KIDINS220: variants seen among roughly 807,000 people sequenced by gnomAD.
The protein encoded by KIDINS220 is kinase D interacting substrate 220.
A neutral mutation model predicts 157.6 loss-of-function variants in KIDINS220; 63 were observed. The ratio of observed to expected loss-of-function variants is 0.40; its 90% CI spans 0.33 to 0.49. KIDINS220 has a LOEUF of 0.49. Ranked by LOEUF, KIDINS220 falls within the 20% of genes least tolerant of loss-of-function variation. KIDINS220 has a pLI of 0.66. For missense variants in KIDINS220, 1,772 were observed against 2,171.2 expected (o/e 0.82, Z 3.65); for synonymous variants, 732 against 783.6 (o/e 0.93, Z 1.10).
intron 26 of KIDINS220, among the ~76,000 whole-genome samples, chr2:8,744,393 A>ATCTATC (rs1167289937): frequency 2.3e-4 from 6 of 26,522 alleles, no homozygotes; most frequent in Non-Finnish European, 3.5e-4. Context: ...AAAAAAATAT[A>ATCTATC]TATATATAAT....
At chr2:8,833,077 T>C (rs1471384958) in intron 1 of KIDINS220, among the ~76,000 whole-genome samples, 1 of 152,162 alleles carries the variant, frequency 6.6e-6, no homozygotes, top group Non-Finnish European at 1.5e-5. Context: ...TACTTTAAAA[T>C]ATACCATAAA....
downstream of KIDINS220, chr2:8,728,708 C>T (rs888915506): frequency 5.0e-5 from 13 of 262,216 alleles, no homozygotes; most frequent in African/African-American, 6.9e-5. Flanking sequence ...TGGGCACAAA[C>T]GCTTCATAAA....
chr2:8,747,020 C>T (rs1666675351), intron 26 of KIDINS220, 125 bp downstream of exon 26: 2 of 773,578 alleles, frequency 2.6e-6, no homozygotes, highest in East Asian at 2.5e-5. Context: ...AGCTACTCTA[C>T]ACTAGCTGCT....
rs1043443808 is a variant in KIDINS220 at position 8,751,536 on chromosome 2, C to T, written c.3120G>A (p.Val1040=). The change falls in exon 23 of 30, where the codon GTG becomes GTA. Residue 1040 remains valine, a synonymous_variant. Transcript: ENST00000256707. ...VFLSSRTPVL[V]ARDVKVFLPC... is the part of the protein sequence containing the mutation. ...GCAAAAAGACTTTTACATCTCGAGC[C>T]ACAAGAACTGGGGTCCTTGAAGACA... 6 of 1,613,578 alleles carry T rather than the reference C, an allele frequency of 3.7e-6. No individual in the cohort carries two copies. Among genetic ancestry groups the T allele is most frequent in the Middle Eastern group, 1.6e-4 (1 of 6,084 alleles).
chr2:8,723,391 T>C (rs181533038), downstream of KIDINS220: 1 of 152,276 alleles, frequency 6.6e-6, no homozygotes, highest in African/African-American at 2.4e-5. Flanking sequence ...TGGGTCTTCA[T>C]GTAAATTTAG....
At chr2:8,800,183 G>T (rs1379034737) in intron 9 of KIDINS220, 1 of 440,754 alleles carries the variant, frequency 2.3e-6, no homozygotes, top group Non-Finnish European at 4.0e-6. Context: ...CTAAAAACAT[G>T]AGCTTTTTTG....
At chr2:8,783,560 G>A (rs2148232736) in intron 17 of KIDINS220, among the ~76,000 whole-genome samples, 1 of 152,200 alleles carries the variant, frequency 6.6e-6, no homozygotes, top group South Asian at 2.1e-4. Context: ...CAGATGACTT[G>A]ACTCTCTATG....
At chr2:8,782,618 T>C (rs546397546) in intron 17 of KIDINS220, among the ~76,000 whole-genome samples, 2 of 152,278 alleles carry the variant, frequency 1.3e-5, no homozygotes, top group South Asian at 4.1e-4. Flanking sequence ...ATACCAACTC[T>C]ACATAGGATC....
intron 6 of KIDINS220, 66 bp from the exon 7 acceptor site, chr2:8,806,435 C>T: frequency 1.0e-6 from 1 of 962,632 alleles, no homozygotes; most frequent in Non-Finnish European, 1.6e-6. Context: ...TAGCTCTTAA[C>T]ATGAATTTTA....
chr2:8,789,810 ATGTT>A, intron 14 of KIDINS220, 66 bp downstream of exon 14: 7 of 1,170,266 alleles, frequency 6.0e-6, no homozygotes, highest in Non-Finnish European at 8.5e-6. Flanking sequence ...GATAAAGAAA[ATGTT>A]TTTTCTTTAT....
chr2:8,750,203 T>G lies in KIDINS220; in HGVS notation c.3323A>C (p.Asn1108Thr), dbSNP rs145408226. ...CACCACTCCACCTGCGAAGGGCCCA[T>G]TGAAGGACGTGGAAGAGCACACGGA... is the stretch of plus-strand genomic sequence containing the variant. ...PPSVCSSTSF[N>T]GPFAGGVVSP... The change falls in exon 24 of 30, where the codon AAT becomes ACT. Residue 1108 changes from asparagine (N) to threonine (T), a missense_variant. Around this residue, in one of 3 missense-constraint regions of KIDINS220, gnomAD observed 793 missense variants for 885.5 expected, o/e 0.90. Transcript: ENST00000256707. The G allele has an allele frequency of 6.2e-7, 1 of 1,614,208 alleles. No homozygotes were observed.
chr2:8,823,336 A>G (rs1678272767), intron 2 of KIDINS220, among the ~76,000 whole-genome samples: 1 of 152,108 alleles, frequency 6.6e-6, no homozygotes, highest in Admixed American at 6.6e-5. Context: ...AGTTACATAA[A>G]TATTTTTTAA....
Position 8,730,259 on chromosome 2 carries a change from C to T in KIDINS220, c.*461G>A. 3 of 992,866 alleles carry T rather than the reference C, an allele frequency of 3.0e-6. No individual in the cohort carries two copies. The highest frequency in any genetic ancestry group is 3.6e-6 in the Non-Finnish European group (3 of 835,060). The allele number at this position is 992,866 out of a possible 1,614,324, so 61.5% of individuals were successfully genotyped here. On this transcript the variant is annotated 3_prime_UTR_variant, in exon 30 of 30. Transcript: ENST00000256707. ...CAGCCTCTCCCTGTAGCGTCACAGG[C>T]TGTGCACTCACCTAGGTGAGCCCCT...
intron 22 of KIDINS220, among the ~76,000 whole-genome samples, chr2:8,755,836 A>G (rs1180747539): frequency 6.6e-6 from 1 of 152,190 alleles, no homozygotes; most frequent in Non-Finnish European, 1.5e-5. Flanking sequence ...CTATTGCTCT[A>G]TATGTCCATC....
At chr2:8,807,635 GCAAC>G (rs558250877) in intron 6 of KIDINS220, among the ~76,000 whole-genome samples, 1 of 152,184 alleles carries the variant, frequency 6.6e-6, no homozygotes, top group South Asian at 2.1e-4. Flanking sequence ...AGGCACCACA[GCAAC>G]CAACCACACT....
intron 27 of KIDINS220, among the ~76,000 whole-genome samples, 157 bp from the exon 28 acceptor site, chr2:8,734,910 C>A (rs1179048688): frequency 6.6e-6 from 1 of 152,138 alleles, no homozygotes; most frequent in Non-Finnish European, 1.5e-5. Context: ...TATAATAATA[C>A]AATAAACAAG....
intron 21 of KIDINS220, among the ~76,000 whole-genome samples, chr2:8,775,723 G>A (rs897366295): frequency 2.0e-5 from 3 of 152,196 alleles, no homozygotes; most frequent in Non-Finnish European, 4.4e-5. Context: ...GAGAAATGGG[G>A]TAGTAGCTAG....
Position 8,747,999 on chromosome 2 carries a change from G to A in KIDINS220, c.3416C>T (p.Pro1139Leu). Residue 1139 changes from proline to leucine, a missense_variant and splice_region_variant, in exon 25 of 30, where the codon CCA becomes CTA. Around this residue, in one of 3 missense-constraint regions of KIDINS220, gnomAD observed 793 missense variants for 885.5 expected, o/e 0.90. Coordinates refer to ENST00000256707, the MANE Select transcript of KIDINS220 (RefSeq NM_020738.4). ...TGPQHPFYNRPFFAPYLYTPR... is the reference protein window; with the variant it reads ...TGPQHPFYNRLFFAPYLYTPR... ...CGTGTAAAGGTATGGGGCAAAGAATGGCTATGGAAAAACATGTAACAAAAA... is the reference window on the plus strand; with the variant it reads ...CGTGTAAAGGTATGGGGCAAAGAATAGCTATGGAAAAACATGTAACAAAAA... The A allele has an allele frequency of 1.3e-6, 2 of 1,537,534 alleles. No homozygotes were observed. The highest frequency in any genetic ancestry group is 8.8e-7 in the Non-Finnish European group (1 of 1,142,764).
Position 8,731,951 on chromosome 2 carries a change from C to A in KIDINS220, c.4085G>T (p.Ser1362Ile). 1 of 1,600,602 alleles carries A rather than the reference C, an allele frequency of 6.2e-7. No individual in the cohort carries two copies. The highest frequency in any genetic ancestry group is 8.5e-7 in the Non-Finnish European group (1 of 1,173,272). ...SQTRRTPSLS[S>I]LNSQDSSIEI... is the part of the protein sequence containing the mutation. ...AATACTGGAATCCTGGGAATTGAGA[C>A]TCGAAAGACTTGGGGTTCTGCGAGT... Residue 1362 changes from serine to isoleucine, a missense_variant, in exon 30 of 30, where the codon AGT (serine) becomes ATT (isoleucine). Physicochemically the swap from Ser to Ile is moderately radical, Grantham distance 142. Around this residue, in one of 3 missense-constraint regions of KIDINS220, gnomAD observed 793 missense variants for 885.5 expected, o/e 0.90. Coordinates refer to ENST00000256707, the MANE Select transcript of KIDINS220 (RefSeq NM_020738.4). This position sits in a 1 kb window ranked among gnomAD's most constrained non-coding sequence, Gnocchi z 5.2.
Sources: allele counts gnomAD v4.1 joint callset (sites outside exome capture counted in the v4.1 genomes callset), GRCh38; gene constraint gnomAD v4.1.1; regional missense constraint gnomAD v4.1.1; non-coding constraint Gnocchi (gnomAD v3.1); transcripts MANE v1.5; gene names NCBI Gene and HGNC (gene_info 2026-07-23, HGNC 2026-07-21).